The following KIF4A variants were observed in gnomAD, a reference collection of about 807,000 sequenced individuals.
KIF4A encodes the protein chromosome-associated kinesin KIF4A.
Under a neutral mutation model 105.9 loss-of-function variants are expected in KIF4A, and 7 were observed. The observed-to-expected ratio is 0.07, with a 90% CI of 0.04 to 0.12. The LOEUF (loss-of-function observed/expected upper bound fraction) is 0.12. Ranked by LOEUF, KIF4A falls within the 10% of genes least tolerant of loss-of-function variation. KIF4A has a pLI of 1.00. For synonymous variants in KIF4A, 281 were observed against 331.3 expected, an observed-to-expected ratio of 0.85 and a Z score of 1.65; for missense variants, 558 against 929.2, an observed-to-expected ratio of 0.60 and a Z score of 5.19.
At chrX:70,319,952 T>G (rs1000632446) in intron 7 of KIF4A, among the ~76,000 whole-genome samples, 1 of 111,623 alleles carries the variant, frequency 9.0e-6, no homozygotes, top group Non-Finnish European at 1.9e-5. Context: ...TTACCAGAAC[T>G]AATTTTTTTT....
chrX:70,361,206 C>G (rs2086074127), intron 15 of KIF4A, among the ~76,000 whole-genome samples: 1 of 113,528 alleles, frequency 8.8e-6, no homozygotes, highest in African/African-American at 3.2e-5. Context: ...GCCCACACCA[C>G]TAAAGGACTG....
rs772078243 is a variant in KIF4A at position 70,419,682 on chromosome X, C to T, written c.3394C>T (p.Arg1132Trp). 4.3e-5 allele frequency: 52 copies of T among 1,207,394 alleles called. No individual in the cohort carries two copies. Among genetic ancestry groups the T allele is most frequent in the African/African-American group, 1.6e-4 (9 of 56,758 alleles). ...QGKDSLGTVERTQDSEGSFKL... is the reference protein window; with the variant it reads ...QGKDSLGTVEWTQDSEGSFKL... ...TCAGGATAGCTTGGGCACTGTTGAA[C>T]GGACCCAGGATTCCGAAGGCTCCTT... Residue 1132 changes from arginine to tryptophan, a missense_variant, in exon 30 of 31, where the codon CGG becomes TGG. Coordinates refer to ENST00000374403, the MANE Select transcript of KIF4A (RefSeq NM_012310.5).
chrX:70,415,861 CTTTT>C (rs1162374099), intron 28 of KIF4A, among the ~76,000 whole-genome samples: 8 of 57,434 alleles, frequency 1.4e-4, no homozygotes, highest in African/African-American at 5.4e-4. Context: ...TGCATTATTT[CTTTT>C]TTTTTTTTTT....
intron 28 of KIF4A, among the ~76,000 whole-genome samples, chrX:70,414,639 A>T (rs781608551): frequency 2.7e-5 from 3 of 112,317 alleles, no homozygotes; most frequent in African/African-American, 6.5e-5. Context: ...GAGGATTTGG[A>T]CAGAAGGGGA....
At chrX:70,310,187 T>C (rs1407075324) in intron 7 of KIF4A, among the ~76,000 whole-genome samples, 4 of 111,713 alleles carry the variant, frequency 3.6e-5, no homozygotes, top group South Asian at 3.8e-4. Flanking sequence ...AAACTTCCCT[T>C]GTGCCCCTTT....
intron 18 of KIF4A, among the ~76,000 whole-genome samples, chrX:70,386,319 G>A (rs1171301743): frequency 9.0e-6 from 1 of 110,995 alleles, no homozygotes; most frequent in Non-Finnish European, 1.9e-5. Context: ...TTCATTAGAT[G>A]ATCTTTAAGC....
In KIF4A at chrX:70,394,862, T is replaced by C. The variant is rs2147733918; in HGVS notation, c.2233-809T>C. On this transcript the variant is annotated intron_variant, in intron 20 of 30. Coordinates refer to ENST00000374403, the MANE Select transcript of KIF4A (RefSeq NM_012310.5). ...GGAATTCTACTCCATCTGATTCTAATATAATCACTCTGGCTTTCTTTTGAT... is the reference window on the plus strand; with the variant it reads ...GGAATTCTACTCCATCTGATTCTAACATAATCACTCTGGCTTTCTTTTGAT... 1.8e-5 allele frequency among the ~76,000 whole-genome samples: 2 copies of C among 112,376 alleles called. 1 individual carries two copies. The highest frequency in any genetic ancestry group is 7.4e-4 in the South Asian group (2 of 2,701).
At chrX:70,346,984 T>C (rs1380437528) in intron 13 of KIF4A, among the ~76,000 whole-genome samples, 1 of 112,093 alleles carries the variant, frequency 8.9e-6, no homozygotes, top group African/African-American at 3.2e-5. Context: ...CTAGATATTC[T>C]TCCTGGGGCT....
intron 13 of KIF4A, among the ~76,000 whole-genome samples, chrX:70,347,053 T>C (rs2085995810): frequency 8.9e-6 from 1 of 112,190 alleles, no homozygotes; most frequent in African/African-American, 3.2e-5. Context: ...AACCTCCTTG[T>C]GCAGTTACCT....
At chrX:70,379,935 A>G (rs2147725567) in intron 18 of KIF4A, among the ~76,000 whole-genome samples, 1 of 111,731 alleles carries the variant, frequency 9.0e-6, no homozygotes, top group South Asian at 3.8e-4. Flanking sequence ...AAAGAATACT[A>G]CAGACCAATA....
At chrX:70,367,202 C>G (rs1470532586) in intron 15 of KIF4A, among the ~76,000 whole-genome samples, 4 of 111,738 alleles carry the variant, frequency 3.6e-5, no homozygotes, top group Non-Finnish European at 7.5e-5. Context: ...GACTCTTTAT[C>G]CAGTTTGCCA....
At position 70,387,307 on chromosome X, in the gene KIF4A, A is replaced by G. The variant is rs1157448567; in HGVS notation, c.2232+10A>G. ...TGCAGCTCGAGTGAAGGTATGAACA[A>G]CTTGAACTGCCATTTCTCTTGTGGA... On this transcript the variant is annotated intron_variant, in intron 20 of 30. Transcript: ENST00000374403. 1 of 1,112,132 alleles carries G rather than the reference A, an allele frequency of 9.0e-7. No individual in the cohort carries two copies. The allele number at this position is 1,112,132 out of a possible 1,213,427, so 91.7% of individuals were successfully genotyped here. A position where few individuals can be genotyped will look rare whatever the true frequency, so the allele number is the denominator to read the frequency against.
chrX:70,380,124 C>T (rs778433290), intron 18 of KIF4A, among the ~76,000 whole-genome samples: 6 of 110,940 alleles, frequency 5.4e-5, no homozygotes, highest in South Asian at 3.8e-4. Context: ...GCCAACATGG[C>T]GAAACCCTGT....
intron 18 of KIF4A, among the ~76,000 whole-genome samples, chrX:70,382,446 C>G (rs762089826): frequency 5.1e-4 from 57 of 111,381 alleles, no homozygotes; most frequent in Non-Finnish European, 8.7e-4. Flanking sequence ...GAAACTTGCT[C>G]TCATACCATA....
chrX:70,419,040 G>C (rs1233909604), intron 29 of KIF4A, among the ~76,000 whole-genome samples: 1 of 108,075 alleles, frequency 9.3e-6, no homozygotes, highest in Admixed American at 9.9e-5. Flanking sequence ...AGCTGAGATC[G>C]TGCCACTGCA....
At chrX:70,396,778 G>A (rs2086261097) in intron 22 of KIF4A, among the ~76,000 whole-genome samples, 1 of 112,472 alleles carries the variant, frequency 8.9e-6, no homozygotes, top group Admixed American at 9.4e-5. Context: ...CATATTAGAA[G>A]TGCTCAATGG....
intron 29 of KIF4A, 31 bp downstream of exon 29, chrX:70,418,035 C>A: frequency 2.7e-6 from 3 of 1,099,184 alleles, no homozygotes; most frequent in South Asian, 4.1e-5. Context: ...TCTCCCCTTC[C>A]CTTCAGACCT....
chrX:70,339,096 A>G lies in KIF4A; in HGVS notation c.1134-2703A>G, dbSNP rs191105147. ...CGAGACTCCATCTCAAAAAAAAAAAAAAAAAGAAAAAGAGGAATTCACCCA... is the reference window on the plus strand; with the variant it reads ...CGAGACTCCATCTCAAAAAAAAAAAGAAAAAGAAAAAGAGGAATTCACCCA... On this transcript the variant is annotated intron_variant, in intron 10 of 30. Coordinates refer to ENST00000374403, the MANE Select transcript of KIF4A (RefSeq NM_012310.5). Among the ~76,000 whole-genome samples, 568 of 109,511 alleles carry G rather than the reference A, an allele frequency of 5.2e-3. 25 individuals are homozygous for G. In the East Asian group the frequency reaches 0.092, roughly 18 times the overall value.
intron 15 of KIF4A, among the ~76,000 whole-genome samples, chrX:70,356,956 T>G (rs1193591469): frequency 8.9e-6 from 1 of 112,345 alleles, no homozygotes; most frequent in Admixed American, 9.4e-5. Context: ...GTATAGCTCT[T>G]TGTATTTGCT....
Sources: gnomAD v4.1 joint callset for allele counts (sites outside exome capture counted in the v4.1 genomes callset) on GRCh38, gnomAD v4.1.1 for gene constraint, MANE v1.5 for transcripts, NCBI Gene and HGNC (gene_info 2026-07-23, HGNC 2026-07-21) for gene names.